The following PSMB2 variants were observed in gnomAD, a reference collection of about 807,000 sequenced individuals.
PSMB2 encodes the protein proteasome subunit beta type-2.
A neutral mutation model predicts 25.7 loss-of-function variants in PSMB2; 13 were observed. That is an observed-to-expected ratio of 0.51 (90% confidence interval 0.33 to 0.80). PSMB2 has a LOEUF of 0.80. PSMB2 is among the 30% of genes least tolerant of loss of function. The pLI is 0.02. For synonymous variants in PSMB2, 87 were observed against 96.2 expected, an observed-to-expected ratio of 0.90 and a Z score of 0.56; for missense variants, 202 against 259.0, an observed-to-expected ratio of 0.78 and a Z score of 1.51.
At chr1:35,611,478 G>T (rs1650340995) in intron 3 of PSMB2, among the ~76,000 whole-genome samples, 1 of 152,032 alleles carries the variant, frequency 6.6e-6, no homozygotes, top group Non-Finnish European at 1.5e-5. Context: ...GAGCAGCTAC[G>T]ACTATAGGCA....
intron 4 of PSMB2, among the ~76,000 whole-genome samples, chr1:35,608,025 T>C (rs1327076572): frequency 6.6e-6 from 1 of 152,178 alleles, no homozygotes; most frequent in African/African-American, 2.4e-5. Context: ...TAGAGGATAC[T>C]AGAGGCTGAG....
intron 4 of PSMB2, 26 bp downstream of exon 4, chr1:35,609,220 T>C: frequency 5.9e-6 from 9 of 1,520,206 alleles, no homozygotes; most frequent in Non-Finnish European, 8.0e-6. Context: ...CTGCCACTGC[T>C]CCCTCCCTAG....
At position 35,640,890 on chromosome 1, in the gene PSMB2, G is replaced by C. The variant is rs577618916; in HGVS notation, c.91+452C>G. ...AGAGCACTGACCCAGGAGCCCTGGA[G>C]GAGCAAATGCCAAGGTCCCAGACCT... On this transcript the variant is annotated intron_variant, in intron 1 of 5. Coordinates refer to ENST00000373237, the MANE Select transcript of PSMB2 (RefSeq NM_002794.5). 1.4e-3 allele frequency among the ~76,000 whole-genome samples: 216 copies of C among 152,330 alleles called. 1 individual carries two copies. Among genetic ancestry groups the C allele is most frequent in the African/African-American group, 4.6e-3 (192 of 41,570 alleles).
chr1:35,624,601 A>G (rs1188593296), intron 3 of PSMB2, among the ~76,000 whole-genome samples: 1 of 151,866 alleles, frequency 6.6e-6, no homozygotes, highest in African/African-American at 2.4e-5. Flanking sequence ...AAAAATACAA[A>G]AATTAGCCAG....
At chr1:35,614,981 G>A (rs1050598853) in intron 3 of PSMB2, among the ~76,000 whole-genome samples, 2 of 152,104 alleles carry the variant, frequency 1.3e-5, no homozygotes, top group Non-Finnish European at 2.9e-5. Context: ...GTATAATAAG[G>A]ATAATAAAAG....
intron 2 of PSMB2, 188 bp from the exon 3 acceptor site, chr1:35,631,532 A>G (rs1036811013): frequency 7.2e-7 from 1 of 1,396,958 alleles, no homozygotes; most frequent in African/African-American, 1.5e-5. Context: ...ATAGCTGGTT[A>G]GTACTGACAG....
At chr1:35,605,132 C>T in intron 5 of PSMB2, 101 bp downstream of exon 5, 9 of 1,203,970 alleles carry the variant, frequency 7.5e-6, no homozygotes, top group Non-Finnish European at 1.1e-5. Flanking sequence ...ATGTATTACA[C>T]CTTCTGGCAA....
intron 5 of PSMB2, 88 bp from the exon 6 acceptor site, chr1:35,603,462 A>T: frequency 6.8e-7 from 1 of 1,467,794 alleles, no homozygotes; most frequent in Non-Finnish European, 9.3e-7. Context: ...GGATACAAGC[A>T]AACAAAAATC....
At chr1:35,628,596 A>AAAAATATAT (rs59538661) in intron 3 of PSMB2, among the ~76,000 whole-genome samples, 35 of 25,086 alleles carry the variant, frequency 1.4e-3, no homozygotes, top group Non-Finnish European at 2.1e-3. Flanking sequence ...AAAAAAAAAA[A>AAAAATATAT]ATATATATAT....
Position 35,604,599 on chromosome 1 carries a change from G to A in PSMB2, c.498+634C>T, listed in dbSNP as rs1196228026. 2.6e-5 allele frequency among the ~76,000 whole-genome samples: 4 copies of A among 152,244 alleles called. No individual in the cohort carries two copies. In the East Asian group the frequency reaches 7.7e-4, roughly 29 times the overall value. On this transcript the variant is annotated intron_variant, in intron 5 of 5. Transcript: ENST00000373237. ...GTTCAAGACCAGCCTGGCCAACATG[G>A]TGAAACCCTGTCTCTACTAAAAATA...
At chr1:35,604,370 T>A (rs1650098455) in intron 5 of PSMB2, among the ~76,000 whole-genome samples, 1 of 152,178 alleles carries the variant, frequency 6.6e-6, no homozygotes, top group Non-Finnish European at 1.5e-5. Context: ...TTGCTTTCTA[T>A]GGTCCTCCTG....
Position 35,641,385 on chromosome 1 carries a change from G to C in PSMB2, c.48C>G (p.Ala16=). The C allele has an allele frequency of 6.2e-7, 1 of 1,614,120 alleles. No individual in the cohort carries two copies. Residue 16 remains alanine, a synonymous_variant, in exon 1 of 6, where the codon GCC becomes GCG. Coordinates refer to ENST00000373237, the MANE Select transcript of PSMB2 (RefSeq NM_002794.5). ...TATTGCTGGCGGCCACCCGGTCGGA[G>C]GCGACAAGAACATAGTCGGGGCCTT... The part of the protein sequence containing the change: ...GIQGPDYVLV[A]SDRVAASNIV...
chr1:35,625,890 G>A (rs368983030), intron 3 of PSMB2, among the ~76,000 whole-genome samples: 1 of 152,146 alleles, frequency 6.6e-6, no homozygotes, highest in African/African-American at 2.4e-5. Flanking sequence ...AGGCTGGAGT[G>A]CAGTGGCATG....
chr1:35,623,000 T>C (rs1260531168), intron 3 of PSMB2, among the ~76,000 whole-genome samples: 1 of 152,194 alleles, frequency 6.6e-6, no homozygotes, highest in East Asian at 1.9e-4. Context: ...AAAGGGCAGC[T>C]GTCAGAATGC....
intron 5 of PSMB2, among the ~76,000 whole-genome samples, chr1:35,604,296 G>C (rs750774033): frequency 8.5e-5 from 13 of 152,290 alleles, no homozygotes; most frequent in Non-Finnish European, 1.6e-4. Flanking sequence ...TAGAAAGGGT[G>C]TGTTCTGTAA....
chr1:35,608,950 C>T (rs1397312943), intron 4 of PSMB2, among the ~76,000 whole-genome samples: 1 of 152,130 alleles, frequency 6.6e-6, no homozygotes, highest in Non-Finnish European at 1.5e-5. Context: ...ATTTTAGAAC[C>T]CAATAAAAAT....
In PSMB2 at chr1:35,601,783, A is replaced by G. The variant is rs1650008981; in HGVS notation, c.*1484T>C. On this transcript the variant is annotated 3_prime_UTR_variant, in exon 6 of 6. Coordinates refer to ENST00000373237, the MANE Select transcript of PSMB2 (RefSeq NM_002794.5). The stretch of plus-strand genomic sequence containing the variant: ...TCCTAGACCAGCAGCATCAGTAGCA[A>G]CTGGAAATGTGAGATGAACATTCTG... The G allele has an allele frequency of 1.0e-6, 1 of 985,206 alleles. No individual in the cohort carries two copies. Among genetic ancestry groups the G allele is most frequent in the Non-Finnish European group, 1.2e-6 (1 of 829,804 alleles). 61.0% of individuals were successfully genotyped at this position (985,206 alleles called of 1,614,324 possible).
At chr1:35,606,019 C>A (rs748899319) in intron 4 of PSMB2, among the ~76,000 whole-genome samples, 12 of 152,244 alleles carry the variant, frequency 7.9e-5, no homozygotes, top group South Asian at 2.1e-4. Context: ...CAGATTCTTA[C>A]GATACTGACA....
chr1:35,611,319 T>G (rs544475825), intron 3 of PSMB2, among the ~76,000 whole-genome samples: 2 of 151,744 alleles, frequency 1.3e-5, no homozygotes, highest in East Asian at 3.9e-4. Flanking sequence ...CTTAAAAAAC[T>G]CATGGTTTTT....
Sources: gnomAD v4.1 joint callset for allele counts (sites outside exome capture counted in the v4.1 genomes callset) on GRCh38, gnomAD v4.1.1 for gene constraint, MANE v1.5 for transcripts, NCBI Gene and HGNC (gene_info 2026-07-23, HGNC 2026-07-21) for gene names.